Variants in CELF2 observed in about 807,000 individuals in gnomAD.
The protein encoded by CELF2 is CUGBP Elav-like family member 2.
Under a neutral mutation model 62.6 loss-of-function variants are expected in CELF2, and 8 were observed. The ratio of observed to expected loss-of-function variants is 0.13; its 90% confidence interval spans 0.07 to 0.23. The LOEUF is 0.23. Ranked by LOEUF, CELF2 falls within the 10% of genes least tolerant of loss-of-function variation. The probability of loss-of-function intolerance (pLI) is 1.00; values close to 1 mark genes in which losing one functional copy is unlikely to be tolerated. For synonymous variants in CELF2, 258 were observed against 250.0 expected (o/e 1.03, Z -0.30); for missense variants, 333 against 671.0 (o/e 0.50, Z 5.56).
rs1007363003 is a variant in CELF2 at position 11,270,092 on chromosome 10, T to C, written c.619-574T>C. On this transcript the variant is annotated intron_variant, in intron 6 of 12. Transcript: ENST00000633077. This position sits in a 1 kb window ranked among gnomAD's most constrained non-coding sequence, Gnocchi z 5.8. ...ATGCCTGTGTTCTCTGAATATCTTC[T>C]GCCCTCATCCTCAAAACTAAAATGA... 6.6e-6 allele frequency among the ~76,000 whole-genome samples: 1 copy of C among 152,266 alleles called. No individual in the cohort carries two copies. Among genetic ancestry groups the C allele is most frequent in the Admixed American group, 6.5e-5 (1 of 15,282 alleles).
the CELF2 span, among the ~76,000 whole-genome samples, chr10:10,579,846 T>TACAC: frequency 2.0e-5 from 3 of 148,394 alleles, no homozygotes; most frequent in Non-Finnish European, 3.0e-5. Flanking sequence ...TAAAAATAAA[T>TACAC]ACACACACAC....
intron 1 of CELF2, among the ~76,000 whole-genome samples, chr10:10,810,279 A>G (rs183348480): frequency 2.6e-5 from 4 of 152,254 alleles, no homozygotes; most frequent in East Asian, 1.9e-4. Context: ...TTTTTAATCC[A>G]ATTTGTGTTT....
intron 2 of CELF2, chr10:11,169,274 C>T (rs1372604794): frequency 3.9e-5 from 6 of 152,180 alleles, no homozygotes; most frequent in Non-Finnish European, 2.9e-5. Context: ...AGGTAACTCT[C>T]ATACAAAAGA....
At chr10:11,021,621 C>T (rs1023440973) in intron 1 of CELF2, among the ~76,000 whole-genome samples, 2 of 152,200 alleles carry the variant, frequency 1.3e-5, no homozygotes, top group African/African-American at 2.4e-5. Flanking sequence ...AGTTTATTCA[C>T]ACCGTCTCTA....
chr10:10,698,957 A>C, the CELF2 span, among the ~76,000 whole-genome samples: 1 of 152,124 alleles, frequency 6.6e-6, no homozygotes, highest in Non-Finnish European at 1.5e-5. Flanking sequence ...AAATGTGTAC[A>C]TATCATACAT....
intron 2 of CELF2, among the ~76,000 whole-genome samples, chr10:11,202,951 C>CTCTCTGTG (rs1338089859): frequency 1.9e-5 from 1 of 53,850 alleles, no homozygotes; most frequent in Non-Finnish European, 3.8e-5. Context: ...CTCTCTCTCT[C>CTCTCTGTG]TGTGTGTGTG....
At chr10:11,031,260 G>C (rs764857864) in intron 1 of CELF2, among the ~76,000 whole-genome samples, 1 of 152,074 alleles carries the variant, frequency 6.6e-6, no homozygotes, top group Non-Finnish European at 1.5e-5. Flanking sequence ...AGTAGGCCTC[G>C]TAAGTAGGCA....
chr10:11,082,503 A>G (rs183548069), intron 1 of CELF2, among the ~76,000 whole-genome samples: 14 of 152,336 alleles, frequency 9.2e-5, no homozygotes, highest in African/African-American at 3.4e-4. Context: ...CTTAGGAGAC[A>G]TAAAAATGGC....
intron 1 of CELF2, among the ~76,000 whole-genome samples, chr10:10,812,086 T>G (rs2055955432): frequency 6.6e-6 from 1 of 152,104 alleles, no homozygotes; most frequent in Admixed American, 6.6e-5. Context: ...CCTATATTAG[T>G]CCATTTTCAT....
chr10:10,573,233 C>G, the CELF2 span, among the ~76,000 whole-genome samples: 1 of 152,006 alleles, frequency 6.6e-6, no homozygotes, highest in Non-Finnish European at 1.5e-5. Context: ...GTTTAAGTTC[C>G]TTGTAGATTC....
chr10:10,825,112 A>T (rs958482237), intron 1 of CELF2, among the ~76,000 whole-genome samples: 1 of 152,216 alleles, frequency 6.6e-6, no homozygotes, highest in Admixed American at 6.5e-5. Context: ...GGAGATGACT[A>T]TGGTAGGATC....
In CELF2 at chr10:11,050,638, A is replaced by G. The variant is rs796613070; in HGVS notation, c.74+32475A>G. Among the ~76,000 whole-genome samples, 8 of 152,180 alleles carry G rather than the reference A, an allele frequency of 5.3e-5. 1 individual carries two copies. Among genetic ancestry groups the G allele is most frequent in the East Asian group, 1.9e-4 (1 of 5,168 alleles). The stretch of plus-strand genomic sequence containing the variant: ...TAGCTCTGTAGGGCCTGTTTCCGTG[A>G]TCTCCCATCAGTCCCTGCCTTTCCA... On this transcript the variant is annotated intron_variant, in intron 1 of 12. Coordinates refer to ENST00000633077, the MANE Select transcript of CELF2 (RefSeq NM_001326342.2).
At position 10,830,279 on chromosome 10, in the gene CELF2, T is replaced by TAAAAA. The variant is rs57725749; in HGVS notation, c.53+31476_53+31480dup. 1.7e-3 allele frequency among the ~76,000 whole-genome samples: 208 copies of TAAAAA among 122,488 alleles called. 2 individuals carry two copies. The highest frequency in any genetic ancestry group is 0.012 in the South Asian group (44 of 3,558). 80.4% of individuals were successfully genotyped at this position (122,488 alleles called of 152,430 possible). ...GCTATTGAATGCCATGGAGTTCCTT[T>TAAAAA]AAAAAAAAAAAAAAAAAAGCCGACA... On this transcript the variant is annotated intron_variant, in intron 1 of 13. Transcript: ENST00000636488.
intron 8 of CELF2, among the ~76,000 whole-genome samples, chr10:11,284,986 A>G (rs371740940): frequency 6.7e-6 from 1 of 150,256 alleles, no homozygotes; most frequent in Non-Finnish European, 1.5e-5. Flanking sequence ...TGTGGATGAG[A>G]GATGGATGTG....
intron 1 of CELF2, among the ~76,000 whole-genome samples, chr10:11,066,192 T>A (rs2068107557): frequency 6.6e-6 from 1 of 152,204 alleles, no homozygotes; most frequent in Non-Finnish European, 1.5e-5. Flanking sequence ...AAGAATGAGC[T>A]GGCTTCATTG....
intron 1 of CELF2, among the ~76,000 whole-genome samples, chr10:10,836,140 TA>T (rs1013250614): frequency 1.3e-5 from 2 of 151,642 alleles, no homozygotes; most frequent in Admixed American, 6.6e-5. Context: ...AACTGTGGAA[TA>T]AAAAATCAAA....
intron 9 of CELF2, among the ~76,000 whole-genome samples, chr10:11,292,841 C>G (rs1232272789): frequency 6.6e-6 from 1 of 152,228 alleles, no homozygotes; most frequent in Non-Finnish European, 1.5e-5. Context: ...TGGCCCCTGG[C>G]TCAGCTGCGT....
chr10:10,480,935 C>A, the CELF2 span, among the ~76,000 whole-genome samples: 3 of 152,096 alleles, frequency 2.0e-5, no homozygotes, highest in African/African-American at 4.8e-5. Context: ...TGGTAGCAGG[C>A]ACCTGTAATT....
At chr10:10,636,734 G>C in the CELF2 span, among the ~76,000 whole-genome samples, 3 of 151,892 alleles carry the variant, frequency 2.0e-5, no homozygotes, top group Non-Finnish European at 4.4e-5. Flanking sequence ...AACATCACAG[G>C]GTCAATAATA....
Sources: allele counts gnomAD v4.1 joint callset (sites outside exome capture counted in the v4.1 genomes callset), GRCh38; gene constraint gnomAD v4.1.1; non-coding constraint Gnocchi (gnomAD v3.1); transcripts MANE v1.5; gene names NCBI Gene and HGNC (gene_info 2026-07-23, HGNC 2026-07-21).